The following EXOC4 variants were observed in gnomAD, a reference collection of about 807,000 sequenced individuals.
EXOC4 encodes the protein SEC8-like 1.
EXOC4 carries 71 observed loss-of-function variants against 107.2 expected under a neutral mutation model. That is an observed-to-expected ratio of 0.66 (90% CI 0.55 to 0.81). The LOEUF (loss-of-function observed/expected upper bound fraction) is 0.81. Among genes scored for constraint, EXOC4 ranks in the 30% least tolerant of loss-of-function variants. The probability of loss-of-function intolerance (pLI) is 0.00; values close to 1 mark genes in which losing one functional copy is unlikely to be tolerated. For missense variants in EXOC4, 1,108 were observed against 1,189.6 expected (o/e 0.93, Z 1.01); for synonymous variants, 456 against 441.2 (o/e 1.03, Z -0.42).
intron 10 of EXOC4, among the ~76,000 whole-genome samples, chr7:133,796,334 T>C (rs1796813218): frequency 6.6e-6 from 1 of 152,190 alleles, no homozygotes; most frequent in African/African-American, 2.4e-5. Flanking sequence ...GGGGAAAGGC[T>C]CTGGTGGAAA....
At chr7:133,262,902 A>G (rs540080156) in intron 1 of EXOC4, among the ~76,000 whole-genome samples, 2 of 152,314 alleles carry the variant, frequency 1.3e-5, no homozygotes, top group East Asian at 3.9e-4. Flanking sequence ...CATAATTTCC[A>G]TGTGTCATGG....
intron 17 of EXOC4, among the ~76,000 whole-genome samples, chr7:134,022,960 A>C (rs1176924962): frequency 1.3e-5 from 2 of 152,178 alleles, no homozygotes; most frequent in Non-Finnish European, 2.9e-5. Context: ...GGTTTGCTTA[A>C]TTTCCCATAC....
chr7:133,982,696 A>G (rs535684010), intron 14 of EXOC4, among the ~76,000 whole-genome samples: 1 of 152,340 alleles, frequency 6.6e-6, no homozygotes, highest in East Asian at 1.9e-4. Flanking sequence ...TTTAATCATC[A>G]GAATCCTATG....
chr7:133,751,247 C>G (rs1486328257), intron 10 of EXOC4, among the ~76,000 whole-genome samples: 1 of 152,162 alleles, frequency 6.6e-6, no homozygotes, highest in Non-Finnish European at 1.5e-5. Flanking sequence ...TAGTATTCAC[C>G]ATTCCCAAAT....
intron 9 of EXOC4, among the ~76,000 whole-genome samples, chr7:133,497,236 T>C (rs2150882275): frequency 6.6e-6 from 1 of 152,286 alleles, no homozygotes; most frequent in South Asian, 2.1e-4. Flanking sequence ...ATGTCTGGAC[T>C]TCTGACCCAC....
At chr7:133,393,961 C>T (rs1210244209) in intron 7 of EXOC4, among the ~76,000 whole-genome samples, 1 of 152,198 alleles carries the variant, frequency 6.6e-6, no homozygotes, top group African/African-American at 2.4e-5. Context: ...AGACCAGTTC[C>T]TCCTGCTTTC....
intron 15 of EXOC4, among the ~76,000 whole-genome samples, 199 bp from the exon 16 acceptor site, chr7:134,004,713 C>A (rs1424145171): frequency 1.3e-5 from 2 of 152,140 alleles, no homozygotes; most frequent in Non-Finnish European, 2.9e-5. Flanking sequence ...TTAAAATGTA[C>A]AAGGCCACAG....
At chr7:133,442,564 G>A (rs1283877364) in intron 7 of EXOC4, among the ~76,000 whole-genome samples, 1 of 152,032 alleles carries the variant, frequency 6.6e-6, no homozygotes, top group Non-Finnish European at 1.5e-5. Context: ...GTGGGGATGG[G>A]GAATGGACAA....
At chr7:133,724,819 A>G (rs1348520662) in intron 10 of EXOC4, among the ~76,000 whole-genome samples, 1 of 152,232 alleles carries the variant, frequency 6.6e-6, no homozygotes, top group Admixed American at 6.5e-5. Context: ...ACCTGAAAGA[A>G]GCATGTGCTT....
intron 7 of EXOC4, among the ~76,000 whole-genome samples, chr7:133,469,310 G>C (rs1225859621): frequency 6.6e-6 from 1 of 152,142 alleles, no homozygotes; most frequent in African/African-American, 2.4e-5. Flanking sequence ...CTGCCACTCG[G>C]GAGAGTGAGG....
intron 7 of EXOC4, among the ~76,000 whole-genome samples, chr7:133,474,000 G>T (rs908762165): frequency 2.6e-5 from 4 of 152,060 alleles, no homozygotes; most frequent in Non-Finnish European, 5.9e-5. Context: ...GAGCCACTGC[G>T]CCTGGCCTGG....
intron 5 of EXOC4, among the ~76,000 whole-genome samples, chr7:133,324,008 T>C (rs1172220525): frequency 2.0e-5 from 3 of 152,222 alleles, no homozygotes; most frequent in Admixed American, 6.5e-5. Flanking sequence ...TAGAGGTGTT[T>C]ATAGTATTCT....
At chr7:133,771,284 T>TGTTGTACCTTG (rs1277650772) in intron 10 of EXOC4, 1 of 151,998 alleles carries the variant, frequency 6.6e-6, no homozygotes, top group African/African-American at 2.4e-5. Context: ...CCTCATTTGC[T>TGTTGTACCTTG]GTTGTACCTT....
At chr7:133,559,867 C>G (rs192924751) in intron 9 of EXOC4, among the ~76,000 whole-genome samples, 11 of 152,260 alleles carry the variant, frequency 7.2e-5, no homozygotes, top group African/African-American at 2.4e-4. Context: ...AGATTTGTGT[C>G]AGTTGACCTT....
chr7:133,966,215 G>T (rs1782708873), intron 14 of EXOC4, among the ~76,000 whole-genome samples: 1 of 152,194 alleles, frequency 6.6e-6, no homozygotes, highest in African/African-American at 2.4e-5. Context: ...TCAGCTTAAG[G>T]AAATTCTGGG....
intron 9 of EXOC4, among the ~76,000 whole-genome samples, chr7:133,609,966 G>A (rs1265441897): frequency 6.6e-6 from 1 of 152,318 alleles, no homozygotes; most frequent in South Asian, 2.1e-4. Flanking sequence ...CATAGGATGA[G>A]AGGCTCAAAT....
chr7:133,340,469 A>T (rs1584830082), intron 5 of EXOC4, among the ~76,000 whole-genome samples: 2 of 110,624 alleles, frequency 1.8e-5, no homozygotes, highest in South Asian at 2.9e-4. Flanking sequence ...TTCATTGGGG[A>T]TATTGGTATG....
chr7:133,961,287 T>TTTTTC (rs1800938002), intron 14 of EXOC4, among the ~76,000 whole-genome samples: 2 of 133,406 alleles, frequency 1.5e-5, no homozygotes, highest in African/African-American at 2.9e-5. Flanking sequence ...AAACTTTTTT[T>TTTTTC]TTTTTTTTTT....
intron 6 of EXOC4, among the ~76,000 whole-genome samples, chr7:133,358,464 A>C (rs1796071470): frequency 6.6e-6 from 1 of 152,152 alleles, no homozygotes; most frequent in Non-Finnish European, 1.5e-5. Flanking sequence ...CCTTCCCCAA[A>C]TTCCATGTTC....
Sources: gnomAD v4.1 joint callset for allele counts (sites outside exome capture counted in the v4.1 genomes callset) on GRCh38, gnomAD v4.1.1 for gene constraint, MANE v1.5 for transcripts, NCBI Gene and HGNC (gene_info 2026-07-23, HGNC 2026-07-21) for gene names.